ABCC1: variants seen among roughly 807,000 people sequenced by gnomAD.
ABCC1 encodes the protein ATP binding cassette subfamily C member 1 (ABCC1 blood group).
In ABCC1, 83 loss-of-function variants were observed where a neutral mutation model predicts 172.9. The ratio of observed to expected loss-of-function variants is 0.48; its 90% confidence interval spans 0.40 to 0.58. The LOEUF (loss-of-function observed/expected upper bound fraction) is 0.58. Among genes scored for constraint, ABCC1 ranks in the 20% least tolerant of loss-of-function variants. ABCC1 has a pLI of 0.00. For missense variants in ABCC1, 1,817 were observed against 2,002.7 expected (o/e 0.91, Z 1.77); for synonymous variants, 937 against 825.2 (o/e 1.14, Z -2.32).
At position 16,046,057 on chromosome 16, in the gene ABCC1, C is replaced by A. The variant is rs780792580; in HGVS notation, c.1218+44C>A. 8.8e-6 allele frequency: 14 copies of A among 1,597,390 alleles called. No individual in the cohort carries two copies. In the Admixed American group the frequency reaches 1.0e-4, roughly 12 times the overall value. On this transcript the variant is annotated intron_variant, in intron 9 of 30. Coordinates refer to ENST00000399410, the MANE Select transcript of ABCC1 (RefSeq NM_004996.4). ...TTGGCATGTGGCCCGACTTCCACATCCCCTCCTGCAGCCCTGGGTTACTCT... is the reference window on the plus strand; with the variant it reads ...TTGGCATGTGGCCCGACTTCCACATACCCTCCTGCAGCCCTGGGTTACTCT...
chr16:16,141,093 C>T, intron 30 of ABCC1, 80 bp from the exon 31 acceptor site: 1 of 1,280,278 alleles, frequency 7.8e-7, no homozygotes, highest in Non-Finnish European at 1.1e-6. Flanking sequence ...GAAGCAGTGA[C>T]TTGCCCAGGT....
In ABCC1 at chr16:16,111,362, C is replaced by T. The variant is rs1425760266; in HGVS notation, c.2872-13C>T. 4 of 1,613,422 alleles carry T rather than the reference C, an allele frequency of 2.5e-6. No individual in the cohort carries two copies. Among genetic ancestry groups the T allele is most frequent in the South Asian group, 2.2e-5 (2 of 91,066 alleles). On this transcript the variant is annotated splice_polypyrimidine_tract_variant and intron_variant, in intron 21 of 30. Coordinates refer to ENST00000399410, the MANE Select transcript of ABCC1 (RefSeq NM_004996.4). ...TGCATGTGCTAAGCTGCCTTATCTC[C>T]TGTGATCTCCAGGTCAAGCTTTCCG...
intron 12 of ABCC1, among the ~76,000 whole-genome samples, chr16:16,062,127 G>A (rs1214030323): frequency 1.3e-5 from 2 of 152,188 alleles, no homozygotes; most frequent in African/African-American, 2.4e-5. Context: ...GCCAGAGGGC[G>A]CTGGTGATGA....
intron 5 of ABCC1, among the ~76,000 whole-genome samples, chr16:16,032,011 TG>T (rs1406221581): frequency 6.6e-6 from 1 of 152,170 alleles, no homozygotes; most frequent in African/African-American, 2.4e-5. Flanking sequence ...ATTTTTATTT[TG>T]AGACACTCTT....
intron 27 of ABCC1, among the ~76,000 whole-genome samples, chr16:16,134,086 G>A (rs212083): frequency 0.16 from 23,755 of 152,150 alleles, 1,914 homozygotes; most frequent in East Asian, 0.23. Flanking sequence ...TGCCTCTTCT[G>A]TATCTCTTTT....
chr16:16,040,214 T>A (rs2048924410), intron 7 of ABCC1, among the ~76,000 whole-genome samples: 1 of 151,846 alleles, frequency 6.6e-6, no homozygotes, highest in South Asian at 2.1e-4. Context: ...TCCCACCTCA[T>A]CCTCCCAGAG....
At chr16:16,074,131 T>G (rs2050462429) in intron 14 of ABCC1, among the ~76,000 whole-genome samples, 1 of 152,176 alleles carries the variant, frequency 6.6e-6, no homozygotes, top group African/African-American at 2.4e-5. Flanking sequence ...ACATTGTTCT[T>G]TGTGGTTGGG....
At chr16:15,949,242 C>G (rs1308880263), upstream of ABCC1, among the ~76,000 whole-genome samples, 1 of 149,724 alleles carries the variant, frequency 6.7e-6, no homozygotes, top group Non-Finnish European at 1.5e-5. Flanking sequence ...AGTTAAGGCG[C>G]CCGGTACACT....
intron 28 of ABCC1, among the ~76,000 whole-genome samples, chr16:16,135,541 C>T (rs1285572849): frequency 6.6e-6 from 1 of 152,186 alleles, no homozygotes; most frequent in Non-Finnish European, 1.5e-5. Flanking sequence ...CTGCAACCTG[C>T]ACCTCCTGGG....
At chr16:16,087,013 C>T (rs767045471) in intron 18 of ABCC1, 22 bp downstream of exon 18, 1 of 1,613,528 alleles carries the variant, frequency 6.2e-7, no homozygotes, top group Non-Finnish European at 8.5e-7. Context: ...CGGGGTGGGG[C>T]TTGGTGTTGG....
chr16:15,963,190 C>T (rs548683362), intron 1 of ABCC1, among the ~76,000 whole-genome samples: 36 of 152,328 alleles, frequency 2.4e-4, no homozygotes, highest in African/African-American at 7.2e-4. Context: ...CCTTTGACTC[C>T]GTGTCTCACA....
At chr16:16,081,768 C>T (rs1454155232) in intron 16 of ABCC1, among the ~76,000 whole-genome samples, 1 of 152,048 alleles carries the variant, frequency 6.6e-6, no homozygotes, top group Admixed American at 6.6e-5. Context: ...ATCTGTAATC[C>T]CAGCACTTTG....
chr16:16,106,684 C>G, intron 20 of ABCC1, 54 bp from the exon 21 acceptor site: 1 of 1,610,328 alleles, frequency 6.2e-7, no homozygotes, highest in African/African-American at 1.3e-5. Flanking sequence ...GGGAGCCCTC[C>G]GACCCTGCCC....
intron 12 of ABCC1, among the ~76,000 whole-genome samples, chr16:16,058,141 T>A (rs1011098344): frequency 4.6e-5 from 7 of 152,186 alleles, no homozygotes; most frequent in African/African-American, 1.7e-4. Context: ...TTGAAAAGTT[T>A]AAAGACAACA....
intron 6 of ABCC1, among the ~76,000 whole-genome samples, chr16:16,034,141 C>T (rs1029606151): frequency 6.8e-6 from 1 of 147,510 alleles, no homozygotes; most frequent in African/African-American, 2.5e-5. Context: ...GATGCTCCTG[C>T]CTCAGCCTCC....
chr16:16,094,536 C>T lies in ABCC1; in HGVS notation c.2644+3948C>T, dbSNP rs537291548. 63 of 153,262 alleles carry T rather than the reference C, an allele frequency of 4.1e-4. No homozygotes were observed. In the Middle Eastern group the frequency reaches 0.013, roughly 32 times the overall value. 9.5% of individuals were successfully genotyped at this position (153,262 alleles called of 1,614,324 possible). A position where few individuals can be genotyped will look rare whatever the true frequency, so the allele number is the denominator to read the frequency against. ...CTTTTTCTTTTTCTTTTTTTTGAGA[C>T]GGAGTCTTGCTCTGTCGCCCAGGCT... On this transcript the variant is annotated intron_variant, in intron 19 of 30. Coordinates refer to ENST00000399410, the MANE Select transcript of ABCC1 (RefSeq NM_004996.4).
At chr16:16,019,733 T>A (rs898949940) in intron 5 of ABCC1, among the ~76,000 whole-genome samples, 1 of 152,222 alleles carries the variant, frequency 6.6e-6, no homozygotes, top group African/African-American at 2.4e-5. Context: ...TCTGCATTCC[T>A]GGCAGCCTGG....
chr16:16,049,671 T>C (rs1291961386), intron 10 of ABCC1, among the ~76,000 whole-genome samples: 2 of 152,098 alleles, frequency 1.3e-5, no homozygotes, highest in East Asian at 3.9e-4. Flanking sequence ...TAATACTTTC[T>C]GAAATAGTTT....
At chr16:15,963,281 G>A (rs758096663) in intron 1 of ABCC1, among the ~76,000 whole-genome samples, 10 of 152,228 alleles carry the variant, frequency 6.6e-5, no homozygotes, top group South Asian at 2.1e-4. Context: ...GTATAGCCCC[G>A]CTCCTGGCTG....
Sources: gnomAD v4.1 joint callset for allele counts (sites outside exome capture counted in the v4.1 genomes callset) on GRCh38, gnomAD v4.1.1 for gene constraint, MANE v1.5 for transcripts, NCBI Gene and HGNC (gene_info 2026-07-23, HGNC 2026-07-21) for gene names.